Variants in RUNX2 observed in about 807,000 individuals in gnomAD.
RUNX2 encodes the protein runt-related transcription factor 2.
Under a neutral mutation model 51.7 loss-of-function variants are expected in RUNX2, and 10 were observed. That is an observed-to-expected ratio of 0.19 (90% confidence interval 0.12 to 0.33). The LOEUF is 0.33. Among genes scored for constraint, RUNX2 ranks in the 10% least tolerant of loss-of-function variants. The pLI is 1.00. For missense variants in RUNX2, 562 were observed against 691.3 expected (o/e 0.81, Z 2.10); for synonymous variants, 276 against 273.6 (o/e 1.01, Z -0.09).
intron 2 of RUNX2, among the ~76,000 whole-genome samples, chr6:45,371,318 T>TG (rs1385260423): frequency 6.6e-6 from 1 of 151,896 alleles, no homozygotes; most frequent in East Asian, 1.9e-4. Context: ...GAAAAAGGAC[T>TG]GGGGGATTTA....
At chr6:45,511,956 A>T (rs980051372) in intron 6 of RUNX2, among the ~76,000 whole-genome samples, 1 of 152,202 alleles carries the variant, frequency 6.6e-6, no homozygotes, top group South Asian at 2.1e-4. Context: ...CTAAATGACT[A>T]TTAGACTTTC....
intron 2 of RUNX2, among the ~76,000 whole-genome samples, chr6:45,334,241 A>G (rs1788089458): frequency 6.6e-6 from 1 of 151,186 alleles, no homozygotes; most frequent in African/African-American, 2.4e-5. Flanking sequence ...CATTTCAGTT[A>G]CATCGATTTT....
chr6:45,405,650 G>T (rs777871348), intron 2 of RUNX2, among the ~76,000 whole-genome samples: 9 of 152,128 alleles, frequency 5.9e-5, no homozygotes, highest in Admixed American at 5.2e-4. Flanking sequence ...TTAGCCGGGC[G>T]GTGGTGGGCG....
intron 2 of RUNX2, among the ~76,000 whole-genome samples, chr6:45,331,594 A>G (rs1012872767): frequency 3.9e-5 from 6 of 151,980 alleles, no homozygotes; most frequent in Admixed American, 2.0e-4. Context: ...AGACTCATAT[A>G]AATTATTTTA....
chr6:45,506,023 C>T (rs1006593161), intron 6 of RUNX2, among the ~76,000 whole-genome samples: 13 of 152,124 alleles, frequency 8.5e-5, no homozygotes, highest in Non-Finnish European at 1.3e-4. Context: ...TTAACCTGAA[C>T]TCTTAATAGC....
chr6:45,434,161 G>A lies in RUNX2; in HGVS notation c.580+2142G>A, dbSNP rs893475624. Among the ~76,000 whole-genome samples, 4 of 151,800 alleles carry A rather than the reference G, an allele frequency of 2.6e-5. No individual in the cohort carries two copies. In the East Asian group the frequency reaches 5.8e-4, roughly 22 times the overall value. The stretch of plus-strand genomic sequence containing the variant: ...AGTAATATCAAGCTGAGATGAAGAG[G>A]AAAAAAGGACAGAGAACACTGATAA... On this transcript the variant is annotated intron_variant, in intron 4 of 8. Coordinates refer to ENST00000647337, the MANE Select transcript of RUNX2 (RefSeq NM_001024630.4).
rs557684081 is a variant in RUNX2 at position 45,366,593 on chromosome 6, T to G, written c.58+37809T>G. On this transcript the variant is annotated intron_variant, in intron 2 of 8. Transcript: ENST00000647337. ...CTAAAAACTTTTATATAAATTTAGA[T>G]GTATTACCCTTTTTTTCACAATCAG... Among the ~76,000 whole-genome samples the G allele has an allele frequency of 1.4e-4, 21 of 152,316 alleles. No individual in the cohort carries two copies. In the South Asian group the frequency reaches 4.1e-3, roughly 30 times the overall value.
chr6:45,454,515 C>A (rs948511519), intron 5 of RUNX2, among the ~76,000 whole-genome samples: 5 of 152,150 alleles, frequency 3.3e-5, no homozygotes, highest in African/African-American at 1.2e-4. Flanking sequence ...CATCTCTTAG[C>A]TGTAAACAAA....
chr6:45,328,770 A>C lies in RUNX2; in HGVS notation c.44A>C (p.Gln15Pro). 2 of 1,612,176 alleles carry C rather than the reference A, an allele frequency of 1.2e-6. No homozygotes were observed. Among genetic ancestry groups the C allele is most frequent in the Non-Finnish European group, 1.7e-6 (2 of 1,178,706 alleles). ...TTCAGCACAGTGACACCATGTCAGC[A>C]AAACTTCTTTTGGGGTAAGTGTTAC... ...SLFSTVTPCQ[Q>P]NFFWDPSTSR... The change falls in exon 2 of 9, where the codon CAA becomes CCA. Residue 15 changes from glutamine to proline, a missense_variant. By Grantham distance (76) the Gln-to-Pro change is moderately conservative (BLOSUM62 -1). Coordinates refer to ENST00000647337, the MANE Select transcript of RUNX2 (RefSeq NM_001024630.4).
rs552657542 is a variant in RUNX2 at position 45,458,895 on chromosome 6, CA to C, written c.685+20846del. Reference sequence around the variant, plus strand: ...TATGGATGCAAAACCTCAAGGTCCACAATCTGTCCTCTTGGAAAAAACTTGC... The same window carrying C: ...TATGGATGCAAAACCTCAAGGTCCACATCTGTCCTCTTGGAAAAAACTTGC... On this transcript the variant is annotated intron_variant, in intron 5 of 8. Coordinates refer to ENST00000647337, the MANE Select transcript of RUNX2 (RefSeq NM_001024630.4). Among the ~76,000 whole-genome samples, 359 of 152,330 alleles carry C rather than the reference CA, an allele frequency of 2.4e-3. 4 individuals carry two copies. The highest frequency in any genetic ancestry group is 8.4e-3 in the African/African-American group (348 of 41,568).
intron 2 of RUNX2, among the ~76,000 whole-genome samples, chr6:45,346,970 G>GT (rs1791012217): frequency 6.6e-6 from 1 of 152,168 alleles, no homozygotes; most frequent in African/African-American, 2.4e-5. Context: ...AAGGGACGTG[G>GT]TAACAGCTAA....
rs181842471 is a variant in RUNX2, at chr6:45,417,153, G to A, written c.59-5440G>A. The stretch of plus-strand genomic sequence containing the variant: ...TCTGAAAACTGTATATAGGTCTTAC[G>A]AATATATTGTATACTAGAAAATTAT... On this transcript the variant is annotated intron_variant, in intron 2 of 8. Coordinates refer to ENST00000647337, the MANE Select transcript of RUNX2 (RefSeq NM_001024630.4). 2.6e-4 allele frequency among the ~76,000 whole-genome samples: 39 copies of A among 152,288 alleles called. No individual in the cohort carries two copies. The South Asian group carries it at 7.3e-3, about 28-fold the overall frequency.
At chr6:45,364,604 G>A (rs1452676154) in intron 2 of RUNX2, among the ~76,000 whole-genome samples, 5 of 152,132 alleles carry the variant, frequency 3.3e-5, no homozygotes, top group Admixed American at 1.3e-4. Flanking sequence ...AAGAGATATA[G>A]TTTCACTTAA....
At chr6:45,381,721 G>A (rs1797244069) in intron 2 of RUNX2, among the ~76,000 whole-genome samples, 1 of 152,168 alleles carries the variant, frequency 6.6e-6, no homozygotes. Flanking sequence ...GAGCTGCCAT[G>A]CCCTGCCTGA....
At chr6:45,371,469 T>C (rs1796069164) in intron 2 of RUNX2, among the ~76,000 whole-genome samples, 1 of 151,744 alleles carries the variant, frequency 6.6e-6, no homozygotes, top group African/African-American at 2.4e-5. Context: ...TAAGACTGGC[T>C]GAAGGTCACA....
At chr6:45,529,742 C>T (rs1460531863) in intron 7 of RUNX2, among the ~76,000 whole-genome samples, 1 of 152,124 alleles carries the variant, frequency 6.6e-6, no homozygotes, top group Non-Finnish European at 1.5e-5. Context: ...AAAAAACAGT[C>T]ACTTTAAAAA....
At chr6:45,480,300 C>T (rs567143890) in intron 5 of RUNX2, among the ~76,000 whole-genome samples, 2 of 152,234 alleles carry the variant, frequency 1.3e-5, no homozygotes, top group South Asian at 4.2e-4. Context: ...ACTCTTGCAG[C>T]TTAGAGAGAA....
At position 45,512,420 on chromosome 6, in the gene RUNX2, C is replaced by A. The variant is rs146099104; in HGVS notation, c.1021+13C>A. The A allele has an allele frequency of 8.1e-5, 131 of 1,613,660 alleles. No homozygotes were observed. The African/African-American group carries it at 1.5e-3, about 19-fold the overall frequency. ...AGGCGCATTTCAGGTAAAGACCGTG[C>A]TTTAACTAAAAATCCATCCCTGCAC... On this transcript the variant is annotated intron_variant, in intron 7 of 8. Coordinates refer to ENST00000647337, the MANE Select transcript of RUNX2 (RefSeq NM_001024630.4).
intron 6 of RUNX2, among the ~76,000 whole-genome samples, chr6:45,496,162 G>T (rs1049241710): frequency 1.3e-5 from 2 of 152,144 alleles, no homozygotes; most frequent in Admixed American, 6.5e-5. Context: ...GATGTTGGGA[G>T]ATATCGCTTA....
Sources: gnomAD v4.1 joint callset for allele counts (sites outside exome capture counted in the v4.1 genomes callset) on GRCh38, gnomAD v4.1.1 for gene constraint, MANE v1.5 for transcripts, NCBI Gene and HGNC (gene_info 2026-07-23, HGNC 2026-07-21) for gene names.